The following CNOT6L variants were observed in gnomAD, a reference collection of about 807,000 sequenced individuals.
CNOT6L encodes CCR4-NOT transcription complex subunit 6 like.
A neutral mutation model predicts 64.0 loss-of-function variants in CNOT6L; 7 were observed. The observed-to-expected ratio is 0.11, with a 90% confidence interval of 0.06 to 0.21. CNOT6L has a LOEUF of 0.21. CNOT6L is among the 10% of genes least tolerant of loss of function. The pLI is 1.00. For synonymous variants in CNOT6L, 193 were observed against 243.4 expected (o/e 0.79, Z 1.93); for missense variants, 245 against 669.0 (o/e 0.37, Z 6.99).
In CNOT6L at chr4:77,720,647, G is replaced by C. The variant is rs1721180837; in HGVS notation, c.1456-4C>G. On this transcript the variant is annotated splice_region_variant and splice_polypyrimidine_tract_variant and intron_variant, in intron 11 of 11. Coordinates refer to ENST00000504123, the MANE Select transcript of CNOT6L (RefSeq NM_144571.3). ...AGAAAATGTAGTCAATCACGCCCTG[G>C]AAAGAGATTGGGAATAGGAAAAAAA... is the stretch of plus-strand genomic sequence containing the variant. The C allele has an allele frequency of 1.9e-6, 3 of 1,612,796 alleles. No homozygotes were observed. The highest frequency in any genetic ancestry group is 2.5e-6 in the Non-Finnish European group (3 of 1,179,188).
intron 8 of CNOT6L, among the ~76,000 whole-genome samples, chr4:77,737,601 A>C (rs1273786241): frequency 6.6e-6 from 1 of 151,592 alleles, no homozygotes; most frequent in African/African-American, 2.4e-5. Context: ...TTCTATTTTT[A>C]GTAGAGACAG....
intron 1 of CNOT6L, among the ~76,000 whole-genome samples, chr4:77,805,663 C>T (rs778465502): frequency 6.6e-6 from 1 of 152,180 alleles, no homozygotes; most frequent in Non-Finnish European, 1.5e-5. Flanking sequence ...AGTAGAGAAG[C>T]ATATATATTA....
intron 1 of CNOT6L, among the ~76,000 whole-genome samples, chr4:77,800,296 G>A (rs916484746): frequency 9.2e-5 from 14 of 152,022 alleles, no homozygotes; most frequent in African/African-American, 2.2e-4. Context: ...GAGCCCAGGC[G>A]TTCAAGGCCA....
intron 3 of CNOT6L, 70 bp from the exon 4 acceptor site, chr4:77,773,236 T>A (rs1298902000): frequency 2.1e-6 from 2 of 937,036 alleles, no homozygotes; most frequent in Non-Finnish European, 3.2e-6. Context: ...TTGCCATTCT[T>A]AAGGCTCCTT....
At chr4:77,818,026 C>T (rs993362352) in intron 1 of CNOT6L, among the ~76,000 whole-genome samples, 7 of 152,188 alleles carry the variant, frequency 4.6e-5, no homozygotes, top group Non-Finnish European at 7.3e-5. Flanking sequence ...TTTGCTTAGG[C>T]TATTCTCAAA....
intron 4 of CNOT6L, among the ~76,000 whole-genome samples, chr4:77,765,783 TA>T (rs1291681752): frequency 6.6e-6 from 1 of 152,190 alleles, no homozygotes; most frequent in African/African-American, 2.4e-5. Flanking sequence ...TATAGGCAAC[TA>T]AACAGGTCAA....
intron 4 of CNOT6L, among the ~76,000 whole-genome samples, chr4:77,764,380 G>A (rs1175077516): frequency 2.0e-5 from 3 of 151,990 alleles, no homozygotes; most frequent in Non-Finnish European, 4.4e-5. Context: ...TGAATAAATC[G>A]TATGTCCCAT....
intron 1 of CNOT6L, among the ~76,000 whole-genome samples, chr4:77,789,683 G>C (rs1036030292): frequency 1.3e-5 from 2 of 151,744 alleles, no homozygotes; most frequent in East Asian, 3.9e-4. Flanking sequence ...AAGCATGATG[G>C]ATTATGCCTG....
intron 4 of CNOT6L, 43 bp downstream of exon 4, chr4:77,773,038 T>C (rs1465662159): frequency 1.5e-6 from 2 of 1,339,682 alleles, no homozygotes; most frequent in East Asian, 2.4e-5. Flanking sequence ...AAATGCTCTT[T>C]AAAAGGCTCA....
At chr4:77,749,103 C>T (rs1358980730) in intron 5 of CNOT6L, among the ~76,000 whole-genome samples, 1 of 152,126 alleles carries the variant, frequency 6.6e-6, no homozygotes, top group Non-Finnish European at 1.5e-5. Context: ...GAAATGTATT[C>T]CCTTAAAACA....
At chr4:77,797,138 A>T (rs1218033809) in intron 1 of CNOT6L, among the ~76,000 whole-genome samples, 6 of 147,212 alleles carry the variant, frequency 4.1e-5, no homozygotes, top group African/African-American at 1.5e-4. Context: ...TGCCAAGGAT[A>T]TTCACTGGGG....
At position 77,797,116 on chromosome 4, in the gene CNOT6L, A is replaced by AAAAG. The variant is rs1446836156; in HGVS notation, c.6-20725_6-20724insCTTT. On this transcript the variant is annotated intron_variant, in intron 1 of 11. Coordinates refer to ENST00000504123, the MANE Select transcript of CNOT6L (RefSeq NM_144571.3). ...AGACCTTGTCTCAAAAAAAAAAAAAAAAAAAAAAAACTGCCAAGGATATTC... is the reference window on the plus strand; with the variant it reads ...AGACCTTGTCTCAAAAAAAAAAAAAAAAAGAAAAAAAAAACTGCCAAGGATATTC... 2.2e-4 allele frequency among the ~76,000 whole-genome samples: 33 copies of AAAAG among 150,452 alleles called. 2 individuals carry two copies. The highest frequency in any genetic ancestry group is 4.1e-4 in the Non-Finnish European group (28 of 67,538).
intron 5 of CNOT6L, among the ~76,000 whole-genome samples, chr4:77,754,900 A>AAAAAAAAAAAAAAAAAAAAAAAAC: frequency 6.9e-6 from 1 of 145,832 alleles, no homozygotes; most frequent in Non-Finnish European, 1.5e-5. Flanking sequence ...AAAAAAAAAA[A>AAAAAAAAAAAAAAAAAAAAAAAAC]AAAAAAAAAA....
At chr4:77,760,535 C>T (rs1215372320) in intron 4 of CNOT6L, among the ~76,000 whole-genome samples, 1 of 149,424 alleles carries the variant, frequency 6.7e-6, no homozygotes, top group African/African-American at 2.5e-5. Flanking sequence ...CAAATGAAAC[C>T]CAAAGCAAGC....
chr4:77,751,854 GCTAGCAGAC>G (rs1316583496), intron 5 of CNOT6L, among the ~76,000 whole-genome samples: 1 of 152,158 alleles, frequency 6.6e-6, no homozygotes, highest in East Asian at 1.9e-4. Flanking sequence ...CACTTCCATT[GCTAGCAGAC>G]CTGCCCTTAA....
chr4:77,725,634 G>C (rs1577918655), intron 11 of CNOT6L, among the ~76,000 whole-genome samples: 1 of 152,006 alleles, frequency 6.6e-6, no homozygotes, highest in African/African-American at 2.4e-5. Context: ...TAAATACACA[G>C]ATATAAAGTA....
At position 77,780,411 on chromosome 4, in the gene CNOT6L, T is replaced by C. The variant is rs867486014; in HGVS notation, c.6-4019A>G. On this transcript the variant is annotated intron_variant, in intron 1 of 11. Coordinates refer to ENST00000504123, the MANE Select transcript of CNOT6L (RefSeq NM_144571.3). ...CCCATTACATCAACCAAATTTATAC[T>C]GGGAATCCTGATTACATAACAAAGC... Among the ~76,000 whole-genome samples, 8 of 152,330 alleles carry C rather than the reference T, an allele frequency of 5.3e-5. No homozygotes were observed. The Middle Eastern group carries it at 0.01, about 194-fold the overall frequency.
intron 1 of CNOT6L, among the ~76,000 whole-genome samples, chr4:77,807,047 T>C (rs1343957314): frequency 1.3e-5 from 2 of 152,104 alleles, no homozygotes; most frequent in Non-Finnish European, 2.9e-5. Context: ...TCACAATCTT[T>C]TGTATTTTTA....
At chr4:77,748,405 A>G (rs1162361741) in intron 5 of CNOT6L, 21 bp from the exon 6 acceptor site, 1 of 1,507,570 alleles carries the variant, frequency 6.6e-7, no homozygotes, top group Non-Finnish European at 9.2e-7. Flanking sequence ...TTTTGTAAAT[A>G]TAGGTTAATT....
Sources: gnomAD v4.1 joint callset for allele counts (sites outside exome capture counted in the v4.1 genomes callset) on GRCh38, gnomAD v4.1.1 for gene constraint, MANE v1.5 for transcripts, NCBI Gene and HGNC (gene_info 2026-07-23, HGNC 2026-07-21) for gene names.